DGKI: variants seen among roughly 807,000 people sequenced by gnomAD.
DGKI encodes the protein diacylglycerol kinase iota, also known as DAG kinase iota.
DGKI carries 55 observed loss-of-function variants against 147.5 expected under a neutral mutation model. The observed-to-expected ratio is 0.37, with a 90% CI of 0.30 to 0.47. The LOEUF is 0.47. Ranked by LOEUF, DGKI falls within the 20% of genes least tolerant of loss-of-function variation. The pLI is 1.00. For missense variants in DGKI, 1,007 were observed against 1,323.8 expected, an observed-to-expected ratio of 0.76 and a Z score of 3.71; for synonymous variants, 469 against 477.1, an observed-to-expected ratio of 0.98 and a Z score of 0.22.
intron 5 of DGKI, among the ~76,000 whole-genome samples, chr7:137,648,341 G>A (rs866837730): frequency 1.5e-4 from 23 of 152,152 alleles, no homozygotes; most frequent in African/African-American, 5.3e-4. Flanking sequence ...GGATCATTTA[G>A]CAAGTAACAG....
chr7:137,508,026 T>C (rs993905538), intron 21 of DGKI, among the ~76,000 whole-genome samples: 1 of 151,924 alleles, frequency 6.6e-6, no homozygotes, highest in Non-Finnish European at 1.5e-5. Context: ...ATTAGGAAGG[T>C]AGGTAGGTAC....
At chr7:137,717,239 G>GA in intron 1 of DGKI, among the ~76,000 whole-genome samples, 1 of 152,328 alleles carries the variant, frequency 6.6e-6, no homozygotes. Flanking sequence ...GAGCTGGTGG[G>GA]ATGTGGGAGG....
At chr7:137,434,242 C>G (rs948358660) in intron 28 of DGKI, among the ~76,000 whole-genome samples, 1 of 152,036 alleles carries the variant, frequency 6.6e-6, no homozygotes, top group African/African-American at 2.4e-5. Context: ...ATTCTATAAC[C>G]CCAAAAGCAA....
intron 27 of DGKI, among the ~76,000 whole-genome samples, chr7:137,452,613 C>G (rs1814015692): frequency 6.6e-6 from 1 of 152,164 alleles, no homozygotes; most frequent in South Asian, 2.1e-4. Flanking sequence ...TCTTTACTGT[C>G]TAGCTTTGGG....
At chr7:137,639,915 A>G (rs1821561604) in intron 6 of DGKI, among the ~76,000 whole-genome samples, 2 of 152,148 alleles carry the variant, frequency 1.3e-5, no homozygotes, top group Non-Finnish European at 2.9e-5. Context: ...GAGTTTGGAG[A>G]TAAGTATTCA....
chr7:137,831,940 C>A (rs1798231594), intron 1 of DGKI, among the ~76,000 whole-genome samples: 1 of 152,216 alleles, frequency 6.6e-6, no homozygotes, highest in African/African-American at 2.4e-5. Flanking sequence ...GGGCAACAGG[C>A]CCCATGCAAG....
Position 137,623,471 on chromosome 7 carries a change from TC to T in DGKI, c.876+11del, listed in dbSNP as rs1349659544. On this transcript the variant is annotated intron_variant, in intron 7 of 32. Coordinates refer to ENST00000614521, the MANE Select transcript of DGKI (RefSeq NM_001321708.2). ...CATGAGCCCACATTGCTTTATTTCA[TC>T]CCAATCTTACCGCCTGCTTGCACCA... The T allele has an allele frequency of 6.2e-7, 1 of 1,612,802 alleles. No individual in the cohort carries two copies. The highest frequency in any genetic ancestry group is 8.5e-7 in the Non-Finnish European group (1 of 1,178,966).
At chr7:137,722,300 G>A (rs1009307454) in intron 1 of DGKI, 101 of 1,612,234 alleles carry the variant, frequency 6.3e-5, no homozygotes, top group East Asian at 3.1e-4. Flanking sequence ...GGCAGTACCC[G>A]GGTGGTTAAA....
At chr7:137,604,847 A>G (rs982318692) in intron 10 of DGKI, among the ~76,000 whole-genome samples, 1 of 152,188 alleles carries the variant, frequency 6.6e-6, no homozygotes, top group African/African-American at 2.4e-5. Flanking sequence ...GAAAGATGCT[A>G]ATGAGTCCAG....
At chr7:137,808,840 C>T (rs913550168) in intron 1 of DGKI, among the ~76,000 whole-genome samples, 1 of 152,142 alleles carries the variant, frequency 6.6e-6, no homozygotes, top group Non-Finnish European at 1.5e-5. Flanking sequence ...ACTCCAGAAG[C>T]CTGGCGTGGC....
intron 20 of DGKI, among the ~76,000 whole-genome samples, chr7:137,522,944 A>T (rs1422233324): frequency 6.6e-6 from 1 of 152,118 alleles, no homozygotes; most frequent in Non-Finnish European, 1.5e-5. Flanking sequence ...TTTATATTAA[A>T]TGGTGACAAA....
At chr7:137,691,272 T>G (rs1466567947) in intron 1 of DGKI, among the ~76,000 whole-genome samples, 1 of 152,162 alleles carries the variant, frequency 6.6e-6, no homozygotes, top group Non-Finnish European at 1.5e-5. Context: ...AAAGAAAACA[T>G]CAGCAATTGC....
intron 17 of DGKI, among the ~76,000 whole-genome samples, chr7:137,573,327 AT>A (rs1323472634): frequency 6.6e-6 from 1 of 152,216 alleles, no homozygotes; most frequent in Non-Finnish European, 1.5e-5. Context: ...AATGTCAAAT[AT>A]TTTGAAGACT....
rs117334488 is a variant in DGKI at position 137,557,344 on chromosome 7, A to G, written c.1948-4776T>C. Among the ~76,000 whole-genome samples, 82 of 152,346 alleles carry G rather than the reference A, an allele frequency of 5.4e-4. No homozygotes were observed. The East Asian group carries it at 0.014, about 27-fold the overall frequency. On this transcript the variant is annotated intron_variant, in intron 19 of 32. Transcript: ENST00000614521. ...CTGCCCCTGTTAGAATCCGAAATAT[A>G]TAATACTTAAAGATGCAGTCATTAA... is the stretch of plus-strand genomic sequence containing the variant.
At chr7:137,813,964 G>T (rs981810803) in intron 1 of DGKI, among the ~76,000 whole-genome samples, 9 of 152,134 alleles carry the variant, frequency 5.9e-5, no homozygotes, top group African/African-American at 1.9e-4. Context: ...GGGAAAACAG[G>T]CTCATAATGA....
intron 21 of DGKI, among the ~76,000 whole-genome samples, chr7:137,512,262 G>A (rs1816604574): frequency 1.3e-5 from 2 of 152,180 alleles, no homozygotes; most frequent in Non-Finnish European, 2.9e-5. Flanking sequence ...GCAATCTTAA[G>A]TGTCCTTGTA....
chr7:137,510,359 T>G (rs1308304177), intron 21 of DGKI, among the ~76,000 whole-genome samples: 1 of 152,366 alleles, frequency 6.6e-6, no homozygotes, highest in Non-Finnish European at 1.5e-5. Context: ...AAATGTGATA[T>G]AAGCTTTTAA....
chr7:137,784,530 AC>A (rs1796609568), intron 1 of DGKI, among the ~76,000 whole-genome samples: 1 of 152,142 alleles, frequency 6.6e-6, no homozygotes, highest in African/African-American at 2.4e-5. Flanking sequence ...ATAGTGGGGG[AC>A]TTTAATACTC....
Position 137,386,551 on chromosome 7 carries a change from A to G in DGKI, c.*4669T>C, listed in dbSNP as rs1001618732. The G allele has an allele frequency of 6.6e-6, 1 of 152,114 alleles. No homozygotes were observed. Among genetic ancestry groups the G allele is most frequent in the African/African-American group, 2.4e-5 (1 of 41,432 alleles). 9.4% of individuals were successfully genotyped at this position (152,114 alleles called of 1,614,324 possible). A position where few individuals can be genotyped will look rare whatever the true frequency, so the allele number is the denominator to read the frequency against. ...TGTCCCAGAGGGTAATTTCATTTTG[A>G]TGTATTTTGAGCATAATATCTGGGG... On this transcript the variant is annotated 3_prime_UTR_variant, in exon 33 of 33. Coordinates refer to ENST00000614521, the MANE Select transcript of DGKI (RefSeq NM_001321708.2).
Sources: gnomAD v4.1 joint callset for allele counts (sites outside exome capture counted in the v4.1 genomes callset) on GRCh38, gnomAD v4.1.1 for gene constraint, MANE v1.5 for transcripts, NCBI Gene and HGNC (gene_info 2026-07-23, HGNC 2026-07-21) for gene names.